TRPV4: variants seen among roughly 807,000 people sequenced by gnomAD.
TRPV4 encodes OSM9-like transient receptor potential channel 4.
In TRPV4, 58 loss-of-function variants were observed where a neutral mutation model predicts 84.1. That is an observed-to-expected ratio of 0.69 (90% CI 0.56 to 0.86). The LOEUF is 0.86. TRPV4 is among the 40% of genes least tolerant of loss of function. TRPV4 has a pLI of 0.00. For synonymous variants in TRPV4, 489 were observed against 500.9 expected (o/e 0.98, Z 0.32); for missense variants, 879 against 1,181.1 (o/e 0.74, Z 3.75).
At chr12:109,788,361 G>A in intron 13 of TRPV4, 39 bp downstream of exon 13, 4 of 1,595,244 alleles carry the variant, frequency 2.5e-6, no homozygotes, top group Non-Finnish European at 8.5e-7. Flanking sequence ...AAGGACGAGG[G>A]TGGCTGGTAG....
At chr12:109,794,512 G>T in intron 7 of TRPV4, 25 bp from the exon 8 acceptor site, 9 of 1,613,146 alleles carry the variant, frequency 5.6e-6, no homozygotes, top group Non-Finnish European at 6.8e-6. Flanking sequence ...GTGGTCGGGG[G>T]CTGCCTTCCT....
At chr12:109,791,224 A>G (rs1316127365) in intron 12 of TRPV4, among the ~76,000 whole-genome samples, 2 of 151,966 alleles carry the variant, frequency 1.3e-5, no homozygotes, top group Non-Finnish European at 2.9e-5. Context: ...CTCTACCAAA[A>G]ATATAAAACT....
At chr12:109,794,292 G>GCCTGCCCCAGCC in intron 8 of TRPV4, 37 bp downstream of exon 8, 1 of 1,607,782 alleles carries the variant, frequency 6.2e-7, no homozygotes, top group Non-Finnish European at 8.5e-7. Flanking sequence ...TCAGCCCAGT[G>GCCTGCCCCAGCC]CCTGCCCCAG....
chr12:109,792,370 G>A lies in TRPV4; in HGVS notation c.1884C>T (p.Tyr628=), dbSNP rs369752162. 86 of 1,613,250 alleles carry A rather than the reference G, an allele frequency of 5.3e-5. No individual in the cohort carries two copies. Among genetic ancestry groups the A allele is most frequent in the African/African-American group, 4.0e-4 (30 of 74,950 alleles). ...TGAGCACCCAGAGCTCACCTGAAGC[G>A]TAGCCGATCATGAAGAGCAAGTAGA... ...LLVYLLFMIG[Y]ASALVSLLNP... The change falls in exon 12 of 16, where the codon TAC becomes TAT. Residue 628 remains tyrosine, a synonymous_variant. Transcript: ENST00000261740.
chr12:109,794,851 C>T (rs1389312119), intron 7 of TRPV4, among the ~76,000 whole-genome samples: 2 of 152,120 alleles, frequency 1.3e-5, no homozygotes, highest in African/African-American at 4.8e-5. Context: ...AACCCTGTCT[C>T]CACTAAAAAC....
chr12:109,783,681 G>A lies in TRPV4; in HGVS notation c.2556C>T (p.Arg852=). Residue 852 remains arginine (R), a synonymous_variant, in exon 16 of 16, where the codon CGC becomes CGT. Coordinates refer to ENST00000261740, the MANE Select transcript of TRPV4 (RefSeq NM_021625.5). This position sits in a 1 kb window ranked among gnomAD's most constrained non-coding sequence, Gnocchi z 4.6. ...GGTAACCCTGCTGGTGGCCATCGCA[G>A]CGGGGGTTCCCCATGCTGTCCAGAG... The part of the protein sequence containing the change: ...VVPLDSMGNP[R]CDGHQQGYPR... 6.2e-7 allele frequency: 1 copy of A among 1,613,878 alleles called. No homozygotes were observed. Among genetic ancestry groups the A allele is most frequent in the South Asian group, 1.1e-5 (1 of 91,082 alleles).
chr12:109,813,561 G>A (rs1281289451), intron 2 of TRPV4, among the ~76,000 whole-genome samples: 1 of 147,384 alleles, frequency 6.8e-6, no homozygotes, highest in African/African-American at 2.7e-5. Context: ...ATGAGTGGGT[G>A]GATGGATGCA....
At position 109,794,381 on chromosome 12, in the gene TRPV4, C is replaced by A. The variant is rs943346163; in HGVS notation, c.1439G>T (p.Cys480Phe). The change falls in exon 8 of 16, where the codon TGT (cysteine) becomes TTT (phenylalanine). Residue 480 changes from cysteine (C) to phenylalanine (F), a missense_variant. By Grantham distance (205) the Cys-to-Phe change is radical. Transcript: ENST00000261740. ...GGTGAGAGTGAAGATGACCATGGCA[C>A]ACAGGTAGGAGACCACGTTGATGTA... ...SFYINVVSYL[C>F]AMVIFTLTAY... is the part of the protein sequence containing the mutation. The A allele has an allele frequency of 6.2e-6, 10 of 1,613,808 alleles. No homozygotes were observed. Among genetic ancestry groups the A allele is most frequent in the Non-Finnish European group, 8.5e-6 (10 of 1,180,034 alleles).
Position 109,814,687 on chromosome 12 carries a change from G to C in TRPV4, c.110C>G (p.Ala37Gly), listed in dbSNP as rs1417743973. The C allele has an allele frequency of 6.2e-7, 1 of 1,611,858 alleles. No homozygotes were observed. Among genetic ancestry groups the C allele is most frequent in the East Asian group, 2.2e-5 (1 of 44,768 alleles). ...GGEAFPLSSL[A>G]NLFEGEDGSL... ...GCCATCCTCCCCCTCAAACAGATTG[G>C]CCAGGGAGGAGAGAGGAAAAGCCTC... The change falls in exon 2 of 16, where the codon GCC becomes GGC. Residue 37 changes from alanine (A) to glycine (G), a missense_variant. Physicochemically the swap from Ala to Gly is moderately conservative, Grantham distance 60. Around this residue, in one of 4 missense-constraint regions of TRPV4, gnomAD observed 107 missense variants for 99.4 expected, o/e 1.08. Coordinates refer to ENST00000261740, the MANE Select transcript of TRPV4 (RefSeq NM_021625.5). This position sits in a 1 kb window ranked among gnomAD's most constrained non-coding sequence, Gnocchi z 5.4.
chr12:109,785,689 G>C (rs1157873406), intron 14 of TRPV4, among the ~76,000 whole-genome samples: 2 of 150,870 alleles, frequency 1.3e-5, no homozygotes, highest in Non-Finnish European at 3.0e-5. Context: ...AAAGTGCTGG[G>C]ATTACAAGCA....
intron 1 of TRPV4, among the ~76,000 whole-genome samples, chr12:109,824,482 G>A (rs1016995406): frequency 5.3e-5 from 8 of 152,014 alleles, no homozygotes; most frequent in African/African-American, 1.2e-4. Flanking sequence ...CCGGCCGGGC[G>A]CAGTGGCTCA....
chr12:109,826,405 C>T (rs1276345160), intron 1 of TRPV4, among the ~76,000 whole-genome samples: 1 of 152,100 alleles, frequency 6.6e-6, no homozygotes, highest in Non-Finnish European at 1.5e-5. Flanking sequence ...AAGTCAGTCC[C>T]GGGGGAAAGG....
chr12:109,829,189 A>G (rs1256406119), intron 1 of TRPV4, among the ~76,000 whole-genome samples: 1 of 152,106 alleles, frequency 6.6e-6, no homozygotes, highest in Non-Finnish European at 1.5e-5. Context: ...AATAAATAAA[A>G]AAAAAAGTGA....
rs772138632 is a variant in TRPV4 at position 109,814,453 on chromosome 12, T to C, written c.344A>G (p.His115Arg). Residue 115 changes from histidine (H) to arginine (R), a missense_variant, in exon 2 of 16, where the codon CAC becomes CGC. Transcript: ENST00000261740. This position sits in a 1 kb window ranked among gnomAD's most constrained non-coding sequence, Gnocchi z 5.4. ...DSLFDYGTYR[H>R]HSSDNKRWRK... ...CCACCTCTTGTTGTCACTGGAGTGG[T>C]GACGATAGGTGCCGTAGTCAAACAG... 3 of 1,614,086 alleles carry C rather than the reference T, an allele frequency of 1.9e-6. No homozygotes were observed. Among genetic ancestry groups the C allele is most frequent in the East Asian group, 2.2e-5 (1 of 44,876 alleles).
intron 1 of TRPV4, among the ~76,000 whole-genome samples, chr12:109,816,425 A>T (rs1054377711): frequency 6.6e-6 from 1 of 152,038 alleles, no homozygotes; most frequent in African/African-American, 2.4e-5. Flanking sequence ...TCACTTCTTC[A>T]TAGGGTTGCA....
intron 3 of TRPV4, 55 bp downstream of exon 3, chr12:109,808,241 G>A: frequency 6.2e-7 from 1 of 1,605,586 alleles, no homozygotes; most frequent in Non-Finnish European, 8.5e-7. Flanking sequence ...CCCAATGCCA[G>A]GCTTCCCCCA....
At position 109,796,464 on chromosome 12, in the gene TRPV4, T is replaced by G; in HGVS notation, c.1332+61A>C. The G allele has an allele frequency of 6.3e-7, 1 of 1,587,092 alleles. No individual in the cohort carries two copies. Among genetic ancestry groups the G allele is most frequent in the Non-Finnish European group, 8.6e-7 (1 of 1,161,486 alleles). ...CTCCCCCAGCCCAGCCCCAGGGCCCTGTCCCTACTCCCAGCCCTGCCCCTC... is the reference window on the plus strand; with the variant it reads ...CTCCCCCAGCCCAGCCCCAGGGCCCGGTCCCTACTCCCAGCCCTGCCCCTC... On this transcript the variant is annotated intron_variant, in intron 7 of 15. Transcript: ENST00000261740. This position sits in a 1 kb window ranked among gnomAD's most constrained non-coding sequence, Gnocchi z 4.2.
At chr12:109,801,859 C>T (rs555038389) in intron 4 of TRPV4, among the ~76,000 whole-genome samples, 6 of 152,212 alleles carry the variant, frequency 3.9e-5, no homozygotes, top group African/African-American at 1.2e-4. Context: ...GAGGAAACAA[C>T]AGTACCTTGG....
chr12:109,829,944 T>C (rs1181911375), intron 1 of TRPV4, among the ~76,000 whole-genome samples: 1 of 152,208 alleles, frequency 6.6e-6, no homozygotes, highest in African/African-American at 2.4e-5. Flanking sequence ...GCCTCTCAAG[T>C]AGCTGGCACT....
Sources: gnomAD v4.1 joint callset for allele counts (sites outside exome capture counted in the v4.1 genomes callset) on GRCh38, gnomAD v4.1.1 for gene constraint, gnomAD v4.1.1 regional missense constraint, Gnocchi (gnomAD v3.1) non-coding constraint, MANE v1.5 for transcripts, NCBI Gene and HGNC (gene_info 2026-07-23, HGNC 2026-07-21) for gene names.